CRPPA: variants seen among roughly 807,000 people sequenced by gnomAD.
The protein encoded by CRPPA is D-ribitol-5-phosphate cytidylyltransferase.
Under a neutral mutation model 52.0 loss-of-function variants are expected in CRPPA, and 43 were observed. That is an observed-to-expected ratio of 0.83 (90% CI 0.65 to 1.07). The LOEUF is 1.07. CRPPA is among the 50% of genes least tolerant of loss of function. The pLI, the probability that CRPPA is intolerant of heterozygous loss-of-function variation, is 0.00. For missense variants in CRPPA, 629 were observed against 551.7 expected, an observed-to-expected ratio of 1.14 and a Z score of -1.40; for synonymous variants, 250 against 203.5, an observed-to-expected ratio of 1.23 and a Z score of -1.94.
intron 4 of CRPPA, among the ~76,000 whole-genome samples, chr7:16,305,031 T>C (rs1784878894): frequency 6.6e-6 from 1 of 152,186 alleles, no homozygotes. Flanking sequence ...TTGGAGTTAG[T>C]GTAGAATTAG....
intron 8 of CRPPA, among the ~76,000 whole-genome samples, chr7:16,231,027 A>C (rs1782778917): frequency 6.6e-6 from 1 of 152,160 alleles, no homozygotes; most frequent in Non-Finnish European, 1.5e-5. Context: ...CTCAGTCTGC[A>C]GTTACTGGCT....
chr7:16,164,492 C>A (rs1274819908), intron 9 of CRPPA, among the ~76,000 whole-genome samples: 6 of 152,214 alleles, frequency 3.9e-5, no homozygotes, highest in African/African-American at 1.2e-4. Flanking sequence ...TACCCACCTT[C>A]TGAAGCCTAC....
At chr7:16,346,258 T>C (rs968866376) in intron 3 of CRPPA, among the ~76,000 whole-genome samples, 1 of 151,912 alleles carries the variant, frequency 6.6e-6, no homozygotes, top group Non-Finnish European at 1.5e-5. Flanking sequence ...AAAAACAAAC[T>C]AGATAATTAC....
At chr7:16,117,600 T>C (rs909817698) in intron 9 of CRPPA, among the ~76,000 whole-genome samples, 1 of 152,058 alleles carries the variant, frequency 6.6e-6, no homozygotes, top group African/African-American at 2.4e-5. Context: ...CAGTACATCA[T>C]CAGAACCAGG....
At chr7:16,274,296 C>G (rs1266900861) in intron 6 of CRPPA, among the ~76,000 whole-genome samples, 1 of 152,128 alleles carries the variant, frequency 6.6e-6, no homozygotes, top group Non-Finnish European at 1.5e-5. Context: ...GATCCGCCCA[C>G]CTCGGATCCC....
chr7:16,309,151 A>G (rs757978204), intron 3 of CRPPA, among the ~76,000 whole-genome samples: 3 of 152,108 alleles, frequency 2.0e-5, no homozygotes, highest in Non-Finnish European at 4.4e-5. Flanking sequence ...TTAGTCTTTC[A>G]TTGTGCGAAA....
At chr7:16,247,702 A>G (rs1390967140) in intron 8 of CRPPA, among the ~76,000 whole-genome samples, 1 of 152,218 alleles carries the variant, frequency 6.6e-6, no homozygotes, top group Non-Finnish European at 1.5e-5. Flanking sequence ...TTCAATTTGT[A>G]AAACATGTAT....
chr7:16,100,732 T>G (rs999650287), intron 9 of CRPPA, among the ~76,000 whole-genome samples: 14 of 152,160 alleles, frequency 9.2e-5, no homozygotes, highest in Non-Finnish European at 1.9e-4. Flanking sequence ...CTTGTGCCAG[T>G]TTTCAAAGGG....
chr7:16,271,176 C>T (rs1784081515), intron 6 of CRPPA, among the ~76,000 whole-genome samples: 1 of 152,094 alleles, frequency 6.6e-6, no homozygotes, highest in African/African-American at 2.4e-5. Context: ...TGAAAAGCCC[C>T]TACAGTCCCT....
chr7:16,127,471 G>A (rs1782602249), intron 9 of CRPPA, among the ~76,000 whole-genome samples: 1 of 151,852 alleles, frequency 6.6e-6, no homozygotes, highest in Non-Finnish European at 1.5e-5. Context: ...AAGTAGTTGG[G>A]TAAGAAAAAA....
intron 3 of CRPPA, among the ~76,000 whole-genome samples, chr7:16,348,771 T>G (rs1422067530): frequency 6.6e-6 from 1 of 152,150 alleles, no homozygotes; most frequent in African/African-American, 2.4e-5. Context: ...CACTGCACAT[T>G]TCCTAAAGCC....
chr7:16,244,637 A>C (rs2128407644), intron 8 of CRPPA, among the ~76,000 whole-genome samples: 1 of 152,292 alleles, frequency 6.6e-6, no homozygotes, highest in South Asian at 2.1e-4. Flanking sequence ...ATTTTTCTTT[A>C]AATATCTGTT....
At chr7:16,284,631 G>C (rs535718615) in intron 5 of CRPPA, among the ~76,000 whole-genome samples, 4 of 152,070 alleles carry the variant, frequency 2.6e-5, no homozygotes, top group African/African-American at 4.8e-5. Flanking sequence ...ATAATCATAT[G>C]TGACAATGGA....
chr7:16,346,454 G>A (rs1786016650), intron 3 of CRPPA, among the ~76,000 whole-genome samples: 1 of 152,008 alleles, frequency 6.6e-6, no homozygotes, highest in African/African-American at 2.4e-5. Flanking sequence ...CTTGTAATGT[G>A]CTAAAACCAC....
At chr7:16,366,803 A>C (rs80125743) in intron 3 of CRPPA, among the ~76,000 whole-genome samples, 157 of 152,244 alleles carry the variant, frequency 1.0e-3, no homozygotes, top group African/African-American at 3.6e-3. Flanking sequence ...AATAAAAAAA[A>C]AAAAACATGG....
At chr7:16,326,429 T>G (rs1785390806) in intron 3 of CRPPA, among the ~76,000 whole-genome samples, 1 of 152,186 alleles carries the variant, frequency 6.6e-6, no homozygotes, top group African/African-American at 2.4e-5. Context: ...ATAGATCATC[T>G]GTCCTACAAA....
At chr7:16,336,999 C>G (rs1276095272) in intron 3 of CRPPA, among the ~76,000 whole-genome samples, 1 of 152,028 alleles carries the variant, frequency 6.6e-6, no homozygotes, top group Non-Finnish European at 1.5e-5. Flanking sequence ...ATGTACAAAT[C>G]TGAATGAAGA....
At chr7:16,154,940 T>A (rs1783145977) in intron 9 of CRPPA, among the ~76,000 whole-genome samples, 1 of 151,140 alleles carries the variant, frequency 6.6e-6, no homozygotes, top group Admixed American at 6.6e-5. Flanking sequence ...CCCGAGTAGC[T>A]GGGACATGCA....
At chr7:16,362,181 T>G (rs1211308575) in intron 3 of CRPPA, among the ~76,000 whole-genome samples, 1 of 152,208 alleles carries the variant, frequency 6.6e-6, no homozygotes, top group African/African-American at 2.4e-5. Context: ...AAAGAGTGCA[T>G]GTCTCAGTCT....
Sources: allele counts gnomAD v4.1 joint callset (sites outside exome capture counted in the v4.1 genomes callset), GRCh38; gene constraint gnomAD v4.1.1; transcripts MANE v1.5; gene names NCBI Gene and HGNC (gene_info 2026-07-23, HGNC 2026-07-21).